The following CYP2S1 variants were observed in gnomAD, a reference collection of about 807,000 sequenced individuals.
The protein encoded by CYP2S1 is cytochrome P450 2S1.
In CYP2S1, 32 loss-of-function variants were observed where a neutral mutation model predicts 43.5. The ratio of observed to expected loss-of-function variants is 0.74; its 90% CI spans 0.56 to 0.99. The LOEUF is 0.99. Among genes scored for constraint, CYP2S1 ranks in the 50% least tolerant of loss-of-function variants. CYP2S1 has a pLI of 0.00. For synonymous variants in CYP2S1, 283 were observed against 302.9 expected (o/e 0.93, Z 0.68); for missense variants, 575 against 673.9 (o/e 0.85, Z 1.62).
rs1292681223 is a variant in CYP2S1 at position 41,206,051 on chromosome 19, G to A, written c.1258G>A (p.Ala420Thr). ...EEFNPDRFLD[A>T]DGRFRKHEAF... ...GTTCAACCCAGACCGTTTCCTGGATGCAGATGGACGGTTCAGGAAGCATGA... is the reference window on the plus strand; with the variant it reads ...GTTCAACCCAGACCGTTTCCTGGATACAGATGGACGGTTCAGGAAGCATGA... The change falls in exon 8 of 9, where the codon GCA becomes ACA. Residue 420 changes from alanine to threonine, a missense_variant. Ala to Thr is a moderately conservative substitution (Grantham distance 58, BLOSUM62 0). This residue lies in a region of CYP2S1 where 222 missense variants were observed against 306.3 expected (regional missense o/e 0.72). Coordinates refer to ENST00000310054, the MANE Select transcript of CYP2S1 (RefSeq NM_030622.8). 8.7e-6 allele frequency: 14 copies of A among 1,614,008 alleles called. No individual in the cohort carries two copies. Among genetic ancestry groups the A allele is most frequent in the Non-Finnish European group, 1.2e-5 (14 of 1,180,042 alleles).
chr19:41,194,374 G>C (rs1244970860), intron 1 of CYP2S1, among the ~76,000 whole-genome samples, 170 bp from the exon 2 acceptor site: 1 of 152,070 alleles, frequency 6.6e-6, no homozygotes, highest in African/African-American at 2.4e-5. Flanking sequence ...CGGGAGCCTA[G>C]TGCAAAAAGA....
At chr19:41,194,399 C>A in intron 1 of CYP2S1, 145 bp from the exon 2 acceptor site, 1 of 1,066,240 alleles carries the variant, frequency 9.4e-7, no homozygotes, top group Non-Finnish European at 1.3e-6. Flanking sequence ...TGAGCCTCAG[C>A]TATTTCTGCT....
intron 1 of CYP2S1, among the ~76,000 whole-genome samples, chr19:41,194,194 G>A (rs1044872423): frequency 5.3e-5 from 8 of 152,058 alleles, no homozygotes; most frequent in Non-Finnish European, 1.2e-4. Context: ...GTTTTGTGGT[G>A]ACTGAAAGGG....
chr19:41,203,462 A>AGGAGCTGAATCG lies in CYP2S1; in HGVS notation c.997_1008dup (p.Asn333_Leu336dup). 1 of 1,607,294 alleles carries AGGAGCTGAATCG rather than the reference A, an allele frequency of 6.2e-7. No individual in the cohort carries two copies. Among genetic ancestry groups the AGGAGCTGAATCG allele is most frequent in the Admixed American group, 1.7e-5 (1 of 59,242 alleles). On this transcript the variant is annotated inframe_insertion, in exon 7 of 9. Coordinates refer to ENST00000310054, the MANE Select transcript of CYP2S1 (RefSeq NM_030622.8). ...CTCTTGCTTGCAGAGTGGGTACGTGAGGAGCTGAATCGGGAGCTGGGGGCT... is the reference window on the plus strand; with the variant it reads ...CTCTTGCTTGCAGAGTGGGTACGTGAGGAGCTGAATCGGGAGCTGAATCGGGAGCTGGGGGCT...
chr19:41,199,497 C>T (rs754243184), intron 5 of CYP2S1, among the ~76,000 whole-genome samples: 1 of 151,822 alleles, frequency 6.6e-6, no homozygotes, highest in East Asian at 1.9e-4. Flanking sequence ...CCTCCTGCCT[C>T]GGGCTCCTGA....
intron 7 of CYP2S1, among the ~76,000 whole-genome samples, chr19:41,205,427 T>G (rs1353994221): frequency 1.6e-5 from 2 of 124,288 alleles, no homozygotes; most frequent in African/African-American, 6.8e-5. Context: ...TTTCTCTCTC[T>G]CTCTCTTTCT....
In CYP2S1 at chr19:41,201,245, A is replaced by C; in HGVS notation, c.849A>C (p.Pro283=). Residue 283 remains proline, a synonymous_variant, in exon 6 of 9, where the codon CCA becomes CCC. Transcript: ENST00000310054. ...LLKMAQEEQN[P]GTEFTNKNML... ...GTTTCTTTCAGGAGGAACAAAACCC[A>C]GGCACAGAATTCACCAACAAGAACA... 1 of 1,614,140 alleles carries C rather than the reference A, an allele frequency of 6.2e-7. No individual in the cohort carries two copies. Among genetic ancestry groups the C allele is most frequent in the South Asian group, 1.1e-5 (1 of 91,074 alleles).
At chr19:41,201,690 C>T (rs1338334603) in intron 6 of CYP2S1, among the ~76,000 whole-genome samples, 1 of 151,236 alleles carries the variant, frequency 6.6e-6, no homozygotes, top group African/African-American at 2.4e-5. Context: ...GGCGACAGAG[C>T]GAGACACTGT....
intron 6 of CYP2S1, among the ~76,000 whole-genome samples, chr19:41,203,221 A>G (rs1031012093): frequency 1.4e-5 from 2 of 147,772 alleles, no homozygotes; most frequent in East Asian, 4.1e-4. Context: ...GCAAAAAAAA[A>G]TAATAATAAT....
rs181317441 is a variant in CYP2S1 at position 41,193,396 on chromosome 19, C to T, written c.132C>T (p.Asn44=). The change falls in exon 1 of 9, where the codon AAC becomes AAT. Residue 44 remains asparagine, a synonymous_variant. Transcript: ENST00000310054. ...CCACGCCGCTACCACTGCTGGGAAA[C>T]CTCCTGCAGCTACGGCCCGGGGCGC... ...PGPTPLPLLG[N]LLQLRPGALY... is the part of the protein sequence containing the mutation. The T allele has an allele frequency of 3.6e-4, 552 of 1,519,362 alleles. No individual in the cohort carries two copies. In the African/African-American group the frequency reaches 6.6e-3, roughly 18 times the overall value. 94.1% of individuals were successfully genotyped at this position (1,519,362 alleles called of 1,614,324 possible).
Position 41,204,668 on chromosome 19 carries a change from G to A in CYP2S1, c.1164+1031G>A, listed in dbSNP as rs572744652. ...GCTGGAGTGCACTGGCGTGATCTCG[G>A]CTCACTGCAACCTCCGCCTCCCAGG... On this transcript the variant is annotated intron_variant, in intron 7 of 8. Coordinates refer to ENST00000310054, the MANE Select transcript of CYP2S1 (RefSeq NM_030622.8). Among the ~76,000 whole-genome samples, 106 of 145,984 alleles carry A rather than the reference G, an allele frequency of 7.3e-4. 1 individual carries two copies. The highest frequency in any genetic ancestry group is 2.7e-3 in the African/African-American group (104 of 38,900).
rs1178195691 is a variant in CYP2S1 at position 41,196,915 on chromosome 19, G to A, written c.344-864G>A. Among the ~76,000 whole-genome samples, 4 of 152,298 alleles carry A rather than the reference G, an allele frequency of 2.6e-5. No homozygotes were observed. The South Asian group carries it at 8.3e-4, about 32-fold the overall frequency. ...ATTCATCCTGGTTATTTACAGAACA[G>A]GCCAGGTGCGGTGCTCACGCTTGCC... On this transcript the variant is annotated intron_variant, in intron 2 of 8. Coordinates refer to ENST00000310054, the MANE Select transcript of CYP2S1 (RefSeq NM_030622.8).
chr19:41,206,254 CCT>C lies in CYP2S1; in HGVS notation c.1307-10_1307-9del, dbSNP rs55800603. 336,662 of 1,289,816 alleles carry C rather than the reference CCT, an allele frequency of 0.26. 31,314 individuals are homozygous for C. Among genetic ancestry groups the C allele is most frequent in the East Asian group, 0.42 (15,090 of 36,218 alleles). The allele number at this position is 1,289,816 out of a possible 1,614,324, so 79.9% of individuals were successfully genotyped here. A position where few individuals can be genotyped will look rare whatever the true frequency, so the allele number is the denominator to read the frequency against. ...TGGGTGTGAGGAATACTGACTCAGC[CCT>C]CTCTCTCTCTCTCTCCTCACCAGGG... On this transcript the variant is annotated intron_variant, in intron 8 of 8. Coordinates refer to ENST00000310054, the MANE Select transcript of CYP2S1 (RefSeq NM_030622.8).
chr19:41,203,355 C>A, intron 6 of CYP2S1, 95 bp from the exon 7 acceptor site: 1 of 1,374,010 alleles, frequency 7.3e-7, no homozygotes, highest in Non-Finnish European at 9.5e-7. Flanking sequence ...CTGTCAGCCT[C>A]ACCCCAAACT....
intron 2 of CYP2S1, among the ~76,000 whole-genome samples, chr19:41,195,576 G>A (rs982408478): frequency 5.9e-5 from 9 of 152,084 alleles, no homozygotes; most frequent in African/African-American, 1.9e-4. Flanking sequence ...CCCTGGGACT[G>A]TAGGAATTTA....
intron 5 of CYP2S1, 104 bp from the exon 6 acceptor site, chr19:41,201,127 G>T: frequency 6.9e-7 from 1 of 1,441,446 alleles, no homozygotes; most frequent in Non-Finnish European, 9.3e-7. Context: ...TCTAAACCCC[G>T]TGACAAAACT....
intron 2 of CYP2S1, among the ~76,000 whole-genome samples, chr19:41,195,954 G>A (rs1207156834): frequency 6.6e-6 from 1 of 151,986 alleles, no homozygotes; most frequent in African/African-American, 2.4e-5. Flanking sequence ...AAATGACTCA[G>A]GCAGATATGG....
intron 7 of CYP2S1, among the ~76,000 whole-genome samples, chr19:41,204,878 G>A (rs1479571918): frequency 6.6e-6 from 1 of 152,082 alleles, no homozygotes; most frequent in Non-Finnish European, 1.5e-5. Context: ...TTACAGGCGT[G>A]AGCCACTGCA....
At position 41,205,325 on chromosome 19, in the gene CYP2S1, CCTTTCTTTCTTTCTTTTTTTCTTTCTTT is replaced by C. The variant is rs770097641; in HGVS notation, c.1165-616_1165-589del. ...ACTATGCCTTAACTACTATTCTTTG[CCTTTCTTTCTTTCTTTTTTTCTTTCTTT>C]CTTTCTTTCTTTCTTTCTTTCTTTC... On this transcript the variant is annotated intron_variant, in intron 7 of 8. Coordinates refer to ENST00000310054, the MANE Select transcript of CYP2S1 (RefSeq NM_030622.8). Among the ~76,000 whole-genome samples the C allele has an allele frequency of 1.7e-3, 197 of 116,424 alleles. 2 individuals are homozygous for C. In the Middle Eastern group the frequency reaches 0.018, roughly 11 times the overall value. The allele number at this position is 116,424 out of a possible 152,430, so 76.4% of individuals were successfully genotyped here.
Sources: allele counts gnomAD v4.1 joint callset (sites outside exome capture counted in the v4.1 genomes callset), GRCh38; gene constraint gnomAD v4.1.1; regional missense constraint gnomAD v4.1.1; transcripts MANE v1.5; gene names NCBI Gene and HGNC (gene_info 2026-07-23, HGNC 2026-07-21).